TJP1: variants seen among roughly 807,000 people sequenced by gnomAD.
TJP1 encodes tight junction protein ZO-1.
In TJP1, 43 loss-of-function variants were observed where a neutral mutation model predicts 194.2. The ratio of observed to expected loss-of-function variants is 0.22; its 90% CI spans 0.17 to 0.29. The LOEUF (loss-of-function observed/expected upper bound fraction) is 0.29. TJP1 is among the 10% of genes least tolerant of loss of function. TJP1 has a pLI of 1.00. For missense variants in TJP1, 1,971 were observed against 2,185.7 expected, an observed-to-expected ratio of 0.90 and a Z score of 1.96; for synonymous variants, 801 against 779.0, an observed-to-expected ratio of 1.03 and a Z score of -0.47.
intron 5 of TJP1, among the ~76,000 whole-genome samples, chr15:29,765,487 A>G (rs533063294): frequency 6.6e-6 from 1 of 152,302 alleles, no homozygotes; most frequent in South Asian, 2.1e-4. Flanking sequence ...AAAGCAGCTG[A>G]GTTTCAGTTT....
intron 2 of TJP1, among the ~76,000 whole-genome samples, chr15:29,856,711 T>C (rs117687582): frequency 0.038 from 5,759 of 152,190 alleles, 158 homozygotes; most frequent in Non-Finnish European, 0.059. Context: ...TGGTGGCTCA[T>C]GCTTATAATC....
intron 2 of TJP1, among the ~76,000 whole-genome samples, chr15:29,949,521 C>CCTT (rs759379670): frequency 0.034 from 3,140 of 93,516 alleles, 53 homozygotes; most frequent in African/African-American, 0.08. Flanking sequence ...TCCACCTCCA[C>CCTT]CACCACCACC....
At position 29,708,977 on chromosome 15, in the gene TJP1, A is replaced by G. The variant is rs2042076196; in HGVS notation, c.4432T>C (p.Ser1478Pro). Residue 1478 changes from serine to proline, a missense_variant, in exon 25 of 28, where the codon TCT (serine) becomes CCT (proline). Physicochemically the swap from Ser to Pro is moderately conservative, Grantham distance 74. This residue lies in a region of TJP1 where 1,108 missense variants were observed against 1,128.5 expected (regional missense o/e 0.98). Coordinates refer to ENST00000614355, the MANE Select transcript of TJP1 (RefSeq NM_001330239.4). Reference protein sequence around the residue: ...SLVSKPDPPPSQNKPATFRPP... With the variant: ...SLVSKPDPPPPQNKPATFRPP... ...CTGAAAGTTGCTGGCTTATTCTGAG[A>G]TGGAGGTGGGTCTGGTTTGGACACT... 6.2e-7 allele frequency: 1 copy of G among 1,614,070 alleles called. No homozygotes were observed. Among genetic ancestry groups the G allele is most frequent in the African/African-American group, 1.3e-5 (1 of 74,930 alleles).
At chr15:29,847,677 C>T (rs898695542) in intron 2 of TJP1, among the ~76,000 whole-genome samples, 4 of 151,918 alleles carry the variant, frequency 2.6e-5, no homozygotes, top group South Asian at 2.1e-4. Flanking sequence ...CCCAGCTGCT[C>T]GGGAGGCTGA....
intron 2 of TJP1, among the ~76,000 whole-genome samples, chr15:29,881,633 T>C (rs1372420017): frequency 6.6e-6 from 1 of 152,232 alleles, no homozygotes; most frequent in Non-Finnish European, 1.5e-5. Flanking sequence ...TTTTATCCAA[T>C]TAATGTTCAT....
At chr15:29,716,877 A>T in intron 22 of TJP1, 39 bp from the exon 23 acceptor site, 6 of 1,510,284 alleles carry the variant, frequency 4.0e-6, no homozygotes, top group Non-Finnish European at 5.5e-6. Flanking sequence ...ACCTTTTTAA[A>T]TATTAATGTT....
intron 2 of TJP1, among the ~76,000 whole-genome samples, chr15:29,837,676 A>G (rs972109923): frequency 6.6e-6 from 1 of 152,238 alleles, no homozygotes; most frequent in Non-Finnish European, 1.5e-5. Flanking sequence ...TAAATACAAC[A>G]TGGCTAATTT....
chr15:29,795,879 A>G (rs2151847649), intron 2 of TJP1, among the ~76,000 whole-genome samples: 1 of 152,290 alleles, frequency 6.6e-6, no homozygotes, highest in Non-Finnish European at 1.5e-5. Flanking sequence ...CCATATCAAC[A>G]GATTAAGAAG....
In TJP1 at chr15:29,741,357, A is replaced by G. The variant is rs763523937; in HGVS notation, c.1230T>C (p.Asn410=). The G allele has an allele frequency of 1.8e-5, 28 of 1,593,768 alleles. No homozygotes were observed. The highest frequency in any genetic ancestry group is 2.3e-5 in the Non-Finnish European group (27 of 1,175,118). Residue 410 remains asparagine, a synonymous_variant, in exon 10 of 28, where the codon AAT becomes AAC. Transcript: ENST00000614355. The part of the protein sequence containing the change: ...PVSPSDGVLP[N]STHEDGILRP... ...GAAGAATCCCATCTTCATGAGTTGA[A>G]TTAGGTAGGACACCATCAGATGGAC...
intron 2 of TJP1, among the ~76,000 whole-genome samples, chr15:29,830,999 C>G (rs941411508): frequency 6.6e-6 from 1 of 152,102 alleles, no homozygotes; most frequent in African/African-American, 2.4e-5. Flanking sequence ...ATGCACCTGA[C>G]TGAAAAACCC....
Position 29,765,712 on chromosome 15 carries a change from A to G in TJP1, c.589+554T>C, listed in dbSNP as rs560217311. On this transcript the variant is annotated intron_variant, in intron 5 of 27. Coordinates refer to ENST00000614355, the MANE Select transcript of TJP1 (RefSeq NM_001330239.4). ...TTGAGAACAGCTTGGGCAACACGGC[A>G]AAAACCCTGTCTCTACCCAAAATAA... Among the ~76,000 whole-genome samples, 26 of 152,252 alleles carry G rather than the reference A, an allele frequency of 1.7e-4. No homozygotes were observed. The South Asian group carries it at 5.4e-3, about 32-fold the overall frequency.
In TJP1 at chr15:29,701,325, G is replaced by A. The variant is rs1023041901; in HGVS notation, c.*270C>T. ...TCAATATGTGAAGTTAAGCAGTGAC[G>A]ATAAAAAAATTACAAAAATCACAAA... On this transcript the variant is annotated 3_prime_UTR_variant, in exon 28 of 28. Coordinates refer to ENST00000614355, the MANE Select transcript of TJP1 (RefSeq NM_001330239.4). 1.5e-5 allele frequency: 5 copies of A among 343,134 alleles called. No individual in the cohort carries two copies. The highest frequency in any genetic ancestry group is 2.7e-5 in the Non-Finnish European group (5 of 187,616). 21.3% of individuals were successfully genotyped at this position (343,134 alleles called of 1,614,324 possible).
intron 2 of TJP1, among the ~76,000 whole-genome samples, chr15:29,897,048 T>A (rs1320838447): frequency 6.6e-6 from 1 of 152,124 alleles, no homozygotes; most frequent in African/African-American, 2.4e-5. Context: ...AGGAGCCAAA[T>A]GTTAATTCCC....
Position 29,741,543 on chromosome 15 carries a change from CA to C in TJP1, c.1151-108del, listed in dbSNP as rs1215933821. On this transcript the variant is annotated intron_variant, in intron 9 of 27. Transcript: ENST00000614355. ...TAAGTTCAGAGAACCTGATGAGGAACATATCTACCATATGTATTAGAGTACA... is the reference window on the plus strand; with the variant it reads ...TAAGTTCAGAGAACCTGATGAGGAACTATCTACCATATGTATTAGAGTACA... 3.0e-5 allele frequency: 21 copies of C among 695,946 alleles called. No individual in the cohort carries two copies. In the East Asian group the frequency reaches 5.7e-4, roughly 19 times the overall value. The allele number at this position is 695,946 out of a possible 1,614,324, so 43.1% of individuals were successfully genotyped here.
At chr15:29,909,135 G>T (rs1417711964) in intron 2 of TJP1, among the ~76,000 whole-genome samples, 3 of 140,054 alleles carry the variant, frequency 2.1e-5, no homozygotes, top group Admixed American at 1.5e-4. Context: ...CCAGCCTGGG[G>T]AACAGAGGGA....
chr15:29,884,305 G>C (rs2053039082), intron 2 of TJP1, among the ~76,000 whole-genome samples: 1 of 152,124 alleles, frequency 6.6e-6, no homozygotes, highest in African/African-American at 2.4e-5. Flanking sequence ...TCTGTATCAG[G>C]ACCATCTTGG....
At chr15:29,793,277 C>T (rs2048208162) in intron 2 of TJP1, among the ~76,000 whole-genome samples, 1 of 152,110 alleles carries the variant, frequency 6.6e-6, no homozygotes, top group South Asian at 2.1e-4. Context: ...AGGCATGTTC[C>T]TTCTACATCC....
chr15:29,956,191 C>T, intron 2 of TJP1: 1 of 1,163,652 alleles, frequency 8.6e-7, no homozygotes, highest in Non-Finnish European at 1.1e-6. Flanking sequence ...AACTTTCATA[C>T]TCTTTGGAAA....
chr15:29,724,722 T>C (rs890873041), intron 18 of TJP1, among the ~76,000 whole-genome samples: 3 of 152,204 alleles, frequency 2.0e-5, no homozygotes, highest in Non-Finnish European at 4.4e-5. Flanking sequence ...TTCTATGAAA[T>C]ATACTTGAAG....
Sources: allele counts gnomAD v4.1 joint callset (sites outside exome capture counted in the v4.1 genomes callset), GRCh38; gene constraint gnomAD v4.1.1; regional missense constraint gnomAD v4.1.1; transcripts MANE v1.5; gene names NCBI Gene and HGNC (gene_info 2026-07-23, HGNC 2026-07-21).